The following SLC49A4 variants were observed in gnomAD, a reference collection of about 807,000 sequenced individuals.
SLC49A4 encodes solute carrier family 49 member 4, also known as disrupted in renal cancer protein 2.
In SLC49A4, 36 loss-of-function variants were observed where a neutral mutation model predicts 50.6. That is an observed-to-expected ratio of 0.71 (90% CI 0.55 to 0.94). The LOEUF (loss-of-function observed/expected upper bound fraction) is 0.94. SLC49A4 is among the 40% of genes least tolerant of loss of function. SLC49A4 has a pLI of 0.00. For missense variants in SLC49A4, 503 were observed against 605.7 expected (o/e 0.83, Z 1.78); for synonymous variants, 248 against 241.2 (o/e 1.03, Z -0.26).
At chr3:122,805,918 A>AT (rs988185541) in intron 1 of SLC49A4, among the ~76,000 whole-genome samples, 31 of 152,192 alleles carry the variant, frequency 2.0e-4, no homozygotes, top group Middle Eastern at 3.4e-3. Context: ...CTAAGCCGTG[A>AT]TTTTTTTTAA....
chr3:122,799,644 A>G (rs1238572061), intron 1 of SLC49A4, among the ~76,000 whole-genome samples: 3 of 152,206 alleles, frequency 2.0e-5, no homozygotes, highest in Admixed American at 6.5e-5. Flanking sequence ...AACGATGACT[A>G]TGCTCTTGTC....
At chr3:122,837,902 T>C (rs1377515129) in intron 4 of SLC49A4, among the ~76,000 whole-genome samples, 11 of 152,110 alleles carry the variant, frequency 7.2e-5, no homozygotes, top group Admixed American at 7.2e-4. Flanking sequence ...GCAAAGGATA[T>C]GAACAGACAC....
At position 122,879,336 on chromosome 3, in the gene SLC49A4, A is replaced by C. The variant is rs1209034485; in HGVS notation, c.1395A>C (p.Glu465Asp). ...LSLLLILCFR[E>D]SYDRLYLDVV... is the part of the protein sequence containing the mutation. Reference sequence around the variant, plus strand: ...TCCTCCTCATTCTGTGCTTCAGGGAATCCTATGACAGACTCTATCTTGATG... The same window carrying C: ...TCCTCCTCATTCTGTGCTTCAGGGACTCCTATGACAGACTCTATCTTGATG... The change falls in exon 9 of 9, where the codon GAA (glutamate) becomes GAC (aspartate). Residue 465 changes from glutamate (E) to aspartate (D), a missense_variant. By Grantham distance (45) the Glu-to-Asp change is conservative (BLOSUM62 2). Transcript: ENST00000261038. 6.2e-7 allele frequency: 1 copy of C among 1,614,016 alleles called. No homozygotes were observed. Among genetic ancestry groups the C allele is most frequent in the Non-Finnish European group, 8.5e-7 (1 of 1,179,912 alleles).
At chr3:122,841,074 C>T (rs1212956407) in intron 4 of SLC49A4, among the ~76,000 whole-genome samples, 1 of 152,130 alleles carries the variant, frequency 6.6e-6, no homozygotes. Flanking sequence ...ATTATTAGTT[C>T]AGATCTGTTA....
intron 5 of SLC49A4, among the ~76,000 whole-genome samples, chr3:122,846,725 A>T (rs1936858424): frequency 6.6e-6 from 1 of 152,208 alleles, no homozygotes. Context: ...ACATGCTGAT[A>T]GCTGTGCAGT....
chr3:122,871,593 T>C (rs1424016032), intron 7 of SLC49A4, among the ~76,000 whole-genome samples: 1 of 152,176 alleles, frequency 6.6e-6, no homozygotes, highest in Non-Finnish European at 1.5e-5. Context: ...CTTATTAGGA[T>C]ATAGGGACAT....
intron 2 of SLC49A4, among the ~76,000 whole-genome samples, chr3:122,819,225 C>G (rs1458805927): frequency 2.6e-5 from 3 of 115,740 alleles, no homozygotes; most frequent in African/African-American, 1.0e-4. Flanking sequence ...GCCTGGGAGA[C>G]AGAGCAAGAC....
At chr3:122,857,374 A>T (rs973407166) in intron 6 of SLC49A4, among the ~76,000 whole-genome samples, 2 of 152,116 alleles carry the variant, frequency 1.3e-5, no homozygotes, top group South Asian at 4.2e-4. Context: ...TTCCAAAGAG[A>T]TAATATTCAT....
chr3:122,806,262 A>G lies in SLC49A4; in HGVS notation c.344-595A>G, dbSNP rs567298876. Among the ~76,000 whole-genome samples, 11 of 152,362 alleles carry G rather than the reference A, an allele frequency of 7.2e-5. No homozygotes were observed. The South Asian group carries it at 1.0e-3, about 14-fold the overall frequency. On this transcript the variant is annotated intron_variant, in intron 1 of 8. Coordinates refer to ENST00000261038, the MANE Select transcript of SLC49A4 (RefSeq NM_032839.3). ...ATTATTTGCCATATTTTTAAGTATT[A>G]TATCTGAACGGAACATTTTAGACAT...
chr3:122,870,816 C>CAATAAT (rs199524636), intron 7 of SLC49A4, among the ~76,000 whole-genome samples: 26 of 147,398 alleles, frequency 1.8e-4, no homozygotes, highest in African/African-American at 3.7e-4. Flanking sequence ...TCCATCTCAA[C>CAATAAT]AATAATAATA....
intron 7 of SLC49A4, among the ~76,000 whole-genome samples, chr3:122,864,149 C>T (rs879255923): frequency 6.6e-6 from 1 of 152,188 alleles, no homozygotes; most frequent in Non-Finnish European, 1.5e-5. Context: ...TGGGTCATTC[C>T]AGTCTATCCC....
intron 4 of SLC49A4, among the ~76,000 whole-genome samples, chr3:122,835,804 A>G (rs1273054622): frequency 2.0e-5 from 3 of 152,184 alleles, no homozygotes; most frequent in Admixed American, 2.0e-4. Flanking sequence ...GAAAAAGAGG[A>G]AGTCAAATGA....
rs181847681 is a variant in SLC49A4, at chr3:122,804,709, T to C, written c.344-2148T>C. 2.5e-4 allele frequency among the ~76,000 whole-genome samples: 38 copies of C among 152,370 alleles called. No individual in the cohort carries two copies. In the East Asian group the frequency reaches 7.1e-3, roughly 29 times the overall value. ...TATGTTACCCAGGCTAATCTCAAAC[T>C]CCTGGCTTCAAGGGATCCTCCCACC... On this transcript the variant is annotated intron_variant, in intron 1 of 8. Transcript: ENST00000261038.
At chr3:122,806,724 A>G in intron 1 of SLC49A4, 133 bp from the exon 2 acceptor site, 1 of 538,742 alleles carries the variant, frequency 1.9e-6, no homozygotes, top group South Asian at 2.1e-5. Context: ...TTTTTTTTCC[A>G]TTTTTAAAGT....
chr3:122,822,214 C>T (rs923552601), intron 2 of SLC49A4, among the ~76,000 whole-genome samples: 6 of 152,192 alleles, frequency 3.9e-5, no homozygotes, highest in Non-Finnish European at 7.3e-5. Context: ...CCCCCTCCTT[C>T]GTTTTTCTTT....
intron 1 of SLC49A4, among the ~76,000 whole-genome samples, chr3:122,795,964 G>A (rs975492040): frequency 2.6e-5 from 4 of 152,208 alleles, no homozygotes; most frequent in African/African-American, 7.2e-5. Flanking sequence ...GAAATAATGA[G>A]TTCGTTTTGT....
chr3:122,830,567 G>A (rs1176536274), intron 3 of SLC49A4, among the ~76,000 whole-genome samples: 1 of 152,128 alleles, frequency 6.6e-6, no homozygotes, highest in Non-Finnish European at 1.5e-5. Flanking sequence ...GATAATAAGG[G>A]AAAAAGTCTT....
At chr3:122,839,980 A>G (rs1936745374) in intron 4 of SLC49A4, among the ~76,000 whole-genome samples, 1 of 152,236 alleles carries the variant, frequency 6.6e-6, no homozygotes, top group Non-Finnish European at 1.5e-5. Context: ...TTCCAAAGAT[A>G]TGGAACCAAC....
intron 5 of SLC49A4, among the ~76,000 whole-genome samples, chr3:122,850,958 T>TC (rs1936918513): frequency 1.3e-5 from 2 of 152,292 alleles, no homozygotes; most frequent in Admixed American, 1.3e-4. Context: ...TACTTTAATT[T>TC]CCCCCCACTC....
Sources: allele counts gnomAD v4.1 joint callset (sites outside exome capture counted in the v4.1 genomes callset), GRCh38; gene constraint gnomAD v4.1.1; transcripts MANE v1.5; gene names NCBI Gene and HGNC (gene_info 2026-07-23, HGNC 2026-07-21).